CDC123: variants seen among roughly 807,000 people sequenced by gnomAD.
The protein encoded by CDC123 is cell division cycle 123.
A neutral mutation model predicts 54.4 loss-of-function variants in CDC123; 37 were observed. That is an observed-to-expected ratio of 0.68 (90% confidence interval 0.52 to 0.89). The LOEUF is 0.89. CDC123 is among the 40% of genes least tolerant of loss of function. The pLI is 0.00. For missense variants in CDC123, 361 were observed against 412.1 expected, an observed-to-expected ratio of 0.88 and a Z score of 1.07; for synonymous variants, 144 against 136.8, an observed-to-expected ratio of 1.05 and a Z score of -0.37.
intron 10 of CDC123, among the ~76,000 whole-genome samples, chr10:12,242,490 T>C (rs1836072015): frequency 6.6e-6 from 1 of 152,118 alleles, no homozygotes; most frequent in Non-Finnish European, 1.5e-5. Context: ...ACGATCTTCA[T>C]GCCCAGTGCC....
At position 12,215,854 on chromosome 10, in the gene CDC123, T is replaced by C; in HGVS notation, c.333+19T>C. On this transcript the variant is annotated intron_variant, in intron 5 of 12. Coordinates refer to ENST00000281141, the MANE Select transcript of CDC123 (RefSeq NM_006023.3). ...CCCAAGGGTAGGAACACATAAGTAATTCTCTTACTGTTTGAATATTCTTTG... is the reference window on the plus strand; with the variant it reads ...CCCAAGGGTAGGAACACATAAGTAACTCTCTTACTGTTTGAATATTCTTTG... 1 of 1,463,150 alleles carries C rather than the reference T, an allele frequency of 6.8e-7. No homozygotes were observed. The highest frequency in any genetic ancestry group is 9.4e-7 in the Non-Finnish European group (1 of 1,058,574). 90.6% of individuals were successfully genotyped at this position (1,463,150 alleles called of 1,614,324 possible).
At chr10:12,224,787 T>C (rs1835783444) in intron 6 of CDC123, among the ~76,000 whole-genome samples, 1 of 152,114 alleles carries the variant, frequency 6.6e-6, no homozygotes, top group African/African-American at 2.4e-5. Context: ...TGGTGGTTTT[T>C]TTGTTTTTGT....
In CDC123 at chr10:12,198,760, C is replaced by G. The variant is rs1300721430; in HGVS notation, c.130C>G (p.Leu44Val). The G allele has an allele frequency of 6.3e-7, 1 of 1,583,862 alleles. No homozygotes were observed. The highest frequency in any genetic ancestry group is 1.7e-5 in the Admixed American group (1 of 58,602). Reference protein sequence around the residue: ...VKDYLLDDGTLVVSGRDDPPT... With the variant: ...VKDYLLDDGTVVVSGRDDPPT... ...GGATTATTTACTCGATGATGGAACT[C>G]TGGTGGTTTCAGGAAGGTAAAGTAT... Residue 44 changes from leucine (L) to valine (V), a missense_variant, in exon 2 of 13, where the codon CTG (leucine) becomes GTG (valine). Physicochemically the swap from Leu to Val is conservative, Grantham distance 32. Coordinates refer to ENST00000281141, the MANE Select transcript of CDC123 (RefSeq NM_006023.3).
chr10:12,246,375 C>T lies in CDC123; in HGVS notation c.846+98C>T, dbSNP rs113240354. On this transcript the variant is annotated intron_variant, in intron 11 of 12. Coordinates refer to ENST00000281141, the MANE Select transcript of CDC123 (RefSeq NM_006023.3). Reference sequence around the variant, plus strand: ...ATAGGTAGGCGGCAATGGCCAGGACCCTTGGGAAGCGCAGAGTGTAACACA... The same window carrying T: ...ATAGGTAGGCGGCAATGGCCAGGACTCTTGGGAAGCGCAGAGTGTAACACA... 42 of 1,356,272 alleles carry T rather than the reference C, an allele frequency of 3.1e-5. 2 individuals are homozygous for T. The African/African-American group carries it at 3.7e-4, about 12-fold the overall frequency. 84.0% of individuals were successfully genotyped at this position (1,356,272 alleles called of 1,614,324 possible). A position where few individuals can be genotyped will look rare whatever the true frequency, so the allele number is the denominator to read the frequency against.
chr10:12,221,148 AAT>A (rs1835730865), intron 6 of CDC123, among the ~76,000 whole-genome samples: 1 of 152,040 alleles, frequency 6.6e-6, no homozygotes, highest in African/African-American at 2.4e-5. Context: ...ACAAAAAAAA[AAT>A]GTTACAGTCA....
At chr10:12,209,899 C>T (rs942994930) in intron 2 of CDC123, 68 bp from the exon 3 acceptor site, 1 of 1,426,646 alleles carries the variant, frequency 7.0e-7, no homozygotes, top group Admixed American at 1.7e-5. Context: ...ATACTCAGTA[C>T]CCCTGAAATT....
At chr10:12,229,557 C>T (rs572969828) in intron 6 of CDC123, among the ~76,000 whole-genome samples, 1 of 152,330 alleles carries the variant, frequency 6.6e-6, no homozygotes, top group East Asian at 1.9e-4. Context: ...GACTACCACT[C>T]CCCTCCGACA....
Position 12,221,793 on chromosome 10 carries a change from T to A in CDC123, c.440+4326T>A, listed in dbSNP as rs1342391679. Among the ~76,000 whole-genome samples the A allele has an allele frequency of 5.3e-5, 8 of 151,540 alleles. No individual in the cohort carries two copies. In the East Asian group the frequency reaches 9.6e-4, roughly 18 times the overall value. On this transcript the variant is annotated intron_variant, in intron 6 of 12. Transcript: ENST00000281141. ...TTAAAATTTATTTATTTATTTATTT[T>A]TTATTTACTTATTTTTTAGCTCATC...
intron 4 of CDC123, among the ~76,000 whole-genome samples, chr10:12,212,001 T>C (rs917406968): frequency 2.0e-5 from 3 of 151,974 alleles, no homozygotes; most frequent in Non-Finnish European, 2.9e-5. Context: ...GGCAGGAGAA[T>C]TGCTTGAACC....
Position 12,214,977 on chromosome 10 carries a change from C to G in CDC123, c.238-763C>G, listed in dbSNP as rs201561534. ...CCCTACTTCCCCCTCTCTTACTTAC[C>G]TTTTTTTCTTTCTTATGTCCATAAG... On this transcript the variant is annotated intron_variant, in intron 4 of 12. Coordinates refer to ENST00000281141, the MANE Select transcript of CDC123 (RefSeq NM_006023.3). 3.3e-5 allele frequency among the ~76,000 whole-genome samples: 5 copies of G among 152,116 alleles called. No homozygotes were observed. The East Asian group carries it at 7.7e-4, about 23-fold the overall frequency.
Position 12,237,243 on chromosome 10 carries a change from A to T in CDC123, c.665A>T (p.Gln222Leu). ...CAAGACTTTTTCAAGAAACACATAC[A>T]GTACAAATTCTTAGATGAAGACTGT... The part of the protein sequence containing the change: ...CIQDFFKKHI[Q>L]YKFLDEDFVF... Residue 222 changes from glutamine (Q) to leucine (L), a missense_variant, in exon 9 of 13, where the codon CAG (glutamine) becomes CTG (leucine). Transcript: ENST00000281141. The T allele has an allele frequency of 6.4e-7, 1 of 1,571,736 alleles. No homozygotes were observed. The highest frequency in any genetic ancestry group is 8.6e-7 in the Non-Finnish European group (1 of 1,166,642).
chr10:12,203,152 T>G (rs1162343105), intron 2 of CDC123, among the ~76,000 whole-genome samples: 1 of 152,228 alleles, frequency 6.6e-6, no homozygotes, highest in Admixed American at 6.5e-5. Context: ...CTCCATGTGT[T>G]CAGCTATCCG....
chr10:12,249,922 G>A, intron 12 of CDC123: 2 of 660,382 alleles, frequency 3.0e-6, no homozygotes, highest in Non-Finnish European at 4.8e-6. Flanking sequence ...GACAGAAAAT[G>A]TTTTTATGCT....
chr10:12,199,367 C>T (rs1835409312), intron 2 of CDC123, among the ~76,000 whole-genome samples: 1 of 152,174 alleles, frequency 6.6e-6, no homozygotes, highest in Non-Finnish European at 1.5e-5. Context: ...GTGTTCAGCC[C>T]TCACCAGCCT....
At chr10:12,249,460 C>T (rs1311294611) in intron 11 of CDC123, 121 bp from the exon 12 acceptor site, 8 of 1,011,442 alleles carry the variant, frequency 7.9e-6, no homozygotes, top group Non-Finnish European at 1.2e-5. Flanking sequence ...CTTCCTTTCT[C>T]CTCATCAAGT....
chr10:12,233,438 TC>T (rs1835931190), intron 7 of CDC123, among the ~76,000 whole-genome samples: 1 of 152,154 alleles, frequency 6.6e-6, no homozygotes, highest in Non-Finnish European at 1.5e-5. Flanking sequence ...GGAGAGACAC[TC>T]CCTATCCCCT....
intron 8 of CDC123, among the ~76,000 whole-genome samples, chr10:12,235,777 TGAAA>T (rs1402717675): frequency 2.0e-5 from 3 of 152,244 alleles, no homozygotes; most frequent in Non-Finnish European, 4.4e-5. Context: ...TGAACCCACC[TGAAA>T]GAAAGTTGGG....
At chr10:12,196,945 G>A (rs1191532786) in intron 1 of CDC123, among the ~76,000 whole-genome samples, 2 of 152,118 alleles carry the variant, frequency 1.3e-5, no homozygotes, top group Non-Finnish European at 1.5e-5. Flanking sequence ...TTTTAAAGGC[G>A]TTGATAGAAA....
chr10:12,226,869 G>A (rs948314197), intron 6 of CDC123, among the ~76,000 whole-genome samples: 2 of 152,174 alleles, frequency 1.3e-5, no homozygotes, highest in African/African-American at 4.8e-5. Context: ...CTGGGCAGAG[G>A]CTGCAATCTC....
Sources: allele counts gnomAD v4.1 joint callset (sites outside exome capture counted in the v4.1 genomes callset), GRCh38; gene constraint gnomAD v4.1.1; transcripts MANE v1.5; gene names NCBI Gene and HGNC (gene_info 2026-07-23, HGNC 2026-07-21).